FGF13: variants seen among roughly 807,000 people sequenced by gnomAD.
The protein encoded by FGF13 is fibroblast growth factor homologous factor 2.
In FGF13, 2 loss-of-function variants were observed where a neutral mutation model predicts 19.5. The ratio of observed to expected loss-of-function variants is 0.10; its 90% CI spans 0.04 to 0.32. The LOEUF (loss-of-function observed/expected upper bound fraction) is 0.32, where lower values mean the gene tolerates loss of function less well. Among genes scored for constraint, FGF13 ranks in the 10% least tolerant of loss-of-function variants. The probability of loss-of-function intolerance (pLI) is 1.00; values close to 1 mark genes in which losing one functional copy is unlikely to be tolerated. For synonymous variants in FGF13, 72 were observed against 76.9 expected (o/e 0.94, Z 0.33); for missense variants, 113 against 192.7 (o/e 0.59, Z 2.45).
intron 1 of FGF13, among the ~76,000 whole-genome samples, chrX:138,729,976 A>C (rs1440300516): frequency 8.9e-6 from 1 of 111,743 alleles, no homozygotes; most frequent in Non-Finnish European, 1.9e-5. Context: ...AAAATAAATA[A>C]GTTTTCAGAA....
At chrX:138,694,187 G>A (rs1039572823) in intron 3 of FGF13, among the ~76,000 whole-genome samples, 1 of 111,239 alleles carries the variant, frequency 9.0e-6, no homozygotes, top group Non-Finnish European at 1.9e-5. Flanking sequence ...ATCAGCAAAA[G>A]TGTAACCCTG....
intron 3 of FGF13, among the ~76,000 whole-genome samples, chrX:138,822,484 T>C (rs1267440146): frequency 9.0e-6 from 1 of 111,414 alleles, no homozygotes; most frequent in Non-Finnish European, 1.9e-5. Context: ...AGGGACCATT[T>C]AAAGAAGTAT....
chrX:138,788,644 G>A (rs747970149), intron 3 of FGF13, among the ~76,000 whole-genome samples: 3 of 112,289 alleles, frequency 2.7e-5, no homozygotes, highest in Non-Finnish European at 5.6e-5. Flanking sequence ...AAGTCTGACA[G>A]CCTTCCTCCA....
intron 1 of FGF13, among the ~76,000 whole-genome samples, chrX:139,110,846 C>T (rs187086491): frequency 0.011 from 1,261 of 110,878 alleles, 22 homozygotes; most frequent in African/African-American, 0.039. Context: ...GGCTTCTTCC[C>T]CTTGGACTGC....
At chrX:139,144,691 T>C (rs777785067) in intron 1 of FGF13, among the ~76,000 whole-genome samples, 5 of 111,234 alleles carry the variant, frequency 4.5e-5, no homozygotes, top group African/African-American at 9.8e-5. Context: ...AATGTTAGCA[T>C]GTTACCAAAG....
At chrX:138,792,622 G>T (rs772960117) in intron 3 of FGF13, among the ~76,000 whole-genome samples, 2 of 111,855 alleles carry the variant, frequency 1.8e-5, no homozygotes, top group East Asian at 5.6e-4. Context: ...TTGTTTCAGT[G>T]AACAAATGGA....
intron 1 of FGF13, among the ~76,000 whole-genome samples, chrX:138,936,814 C>T (rs1484902658): frequency 1.8e-5 from 2 of 112,074 alleles, no homozygotes; most frequent in Non-Finnish European, 3.8e-5. Flanking sequence ...CCCATTCTCC[C>T]TCATCCCTCC....
intron 3 of FGF13, among the ~76,000 whole-genome samples, chrX:138,852,394 A>G (rs1012946645): frequency 9.0e-6 from 1 of 111,414 alleles, no homozygotes; most frequent in Admixed American, 9.5e-5. Context: ...ACTCAGAAAT[A>G]AGACCGCACA....
Position 138,888,663 on chromosome X carries a change from C to T in FGF13, c.-112-24013G>A, listed in dbSNP as rs778577684. ...TCCCAAGTTACTGCCATTTTTCCTT[C>T]TTCTTCCTTCTACCTGCTCATAGGA... On this transcript the variant is annotated intron_variant, in intron 1 of 2. Coordinates refer to the FGF13 transcript ENST00000421460. 3.7e-5 allele frequency among the ~76,000 whole-genome samples: 4 copies of T among 108,195 alleles called. No homozygotes were observed. The South Asian group carries it at 1.6e-3, about 44-fold the overall frequency. The allele number at this position is 108,195 out of a possible 115,157, so 94.0% of individuals were successfully genotyped here.
At chrX:138,634,563 G>GT (rs1044216111) in intron 4 of FGF13, among the ~76,000 whole-genome samples, 3 of 112,789 alleles carry the variant, frequency 2.7e-5, no homozygotes, top group Non-Finnish European at 5.6e-5. Flanking sequence ...CAAAATGTAA[G>GT]TTTTTTAAAT....
chrX:138,889,586 C>T (rs956282342), intron 1 of FGF13, among the ~76,000 whole-genome samples: 1 of 111,953 alleles, frequency 8.9e-6, no homozygotes, highest in Non-Finnish European at 1.9e-5. Context: ...GAGAAGACAA[C>T]ACAGGTGGCT....
At chrX:138,828,374 C>T (rs1476691391) in intron 3 of FGF13, among the ~76,000 whole-genome samples, 8 of 110,167 alleles carry the variant, frequency 7.3e-5, no homozygotes, top group African/African-American at 2.6e-4. Context: ...CGAGACCATC[C>T]TGGCTAACAC....
At chrX:139,092,140 G>T (rs985028564) in intron 1 of FGF13, among the ~76,000 whole-genome samples, 2 of 111,627 alleles carry the variant, frequency 1.8e-5, no homozygotes, top group Admixed American at 9.5e-5. Context: ...GTGGCTGCCA[G>T]CTACACTTTT....
At chrX:138,730,025 TAAAAG>T (rs1222370093) in intron 1 of FGF13, among the ~76,000 whole-genome samples, 1 of 111,453 alleles carries the variant, frequency 9.0e-6, no homozygotes, top group South Asian at 3.7e-4. Flanking sequence ...AGATAAACAC[TAAAAG>T]AAATGAACAA....
upstream of FGF13, among the ~76,000 whole-genome samples, chrX:138,743,434 T>G (rs1307193041): frequency 9.0e-6 from 1 of 111,325 alleles, no homozygotes; most frequent in Non-Finnish European, 1.9e-5. Flanking sequence ...GCAGTGAAAC[T>G]CCTCTGTATG....
chrX:138,971,777 C>A (rs911878303), intron 1 of FGF13, among the ~76,000 whole-genome samples: 3 of 111,102 alleles, frequency 2.7e-5, no homozygotes, highest in African/African-American at 9.8e-5. Flanking sequence ...GTTCACTGAG[C>A]ACTCTGCTGC....
intron 1 of FGF13, among the ~76,000 whole-genome samples, chrX:138,935,209 TGC>T (rs2091725414): frequency 4.5e-5 from 5 of 111,440 alleles, no homozygotes; most frequent in Admixed American, 1.9e-4. Context: ...TGCTCTGTGC[TGC>T]AAGTACAAAC....
At chrX:138,690,513 T>C (rs1270237610) in intron 3 of FGF13, among the ~76,000 whole-genome samples, 1 of 110,492 alleles carries the variant, frequency 9.1e-6, no homozygotes, top group Non-Finnish European at 1.9e-5. Flanking sequence ...GCTGGGCAAG[T>C]GGGAGCCTTT....
intron 1 of FGF13, among the ~76,000 whole-genome samples, chrX:139,093,400 A>C (rs2083450679): frequency 8.9e-6 from 1 of 112,058 alleles, no homozygotes; most frequent in Non-Finnish European, 1.9e-5. Flanking sequence ...GGTCATACAT[A>C]CTTTGAAACA....
Sources: allele counts gnomAD v4.1 joint callset (sites outside exome capture counted in the v4.1 genomes callset), GRCh38; gene constraint gnomAD v4.1.1; transcripts MANE v1.5; gene names NCBI Gene and HGNC (gene_info 2026-07-23, HGNC 2026-07-21).